Variants in EPB41 observed in about 807,000 individuals in gnomAD.
EPB41 encodes protein 4.1.
In EPB41, 65 loss-of-function variants were observed where a neutral mutation model predicts 108.0. The observed-to-expected ratio is 0.60, with a 90% CI of 0.49 to 0.74. The LOEUF is 0.74. EPB41 is among the 30% of genes least tolerant of loss of function. EPB41 has a pLI of 0.00. For missense variants in EPB41, 875 were observed against 1,037.0 expected (o/e 0.84, Z 2.15); for synonymous variants, 336 against 358.9 (o/e 0.94, Z 0.72).
At position 28,987,470 on chromosome 1, in the gene EPB41, C is replaced by G. The variant is rs142705709; in HGVS notation, c.33C>G (p.Ala11=). The G allele has an allele frequency of 1.7e-4, 281 of 1,613,956 alleles. 1 individual carries two copies. The highest frequency in any genetic ancestry group is 2.2e-4 in the Non-Finnish European group (257 of 1,179,992). Residue 11 remains alanine, a synonymous_variant, in exon 2 of 21, where the codon GCC becomes GCG. Coordinates refer to ENST00000343067, the MANE Select transcript of EPB41 (RefSeq NM_001376013.1). Reference sequence around the variant, plus strand: ...CAGAGAAGAGTTTAGTGACTGAGGCCGAAAATTCACAGCACCAACAGAAGG... The same window carrying G: ...CAGAGAAGAGTTTAGTGACTGAGGCGGAAAATTCACAGCACCAACAGAAGG... MTTEKSLVTE[A]ENSQHQQKEE...
At chr1:28,905,770 C>A (rs911307332) in intron 1 of EPB41, among the ~76,000 whole-genome samples, 3 of 151,350 alleles carry the variant, frequency 2.0e-5, no homozygotes, top group Non-Finnish European at 4.4e-5. Flanking sequence ...AAGGCTGCAA[C>A]TTATTTGCAG....
At chr1:28,928,105 A>G (rs932842291) in intron 1 of EPB41, among the ~76,000 whole-genome samples, 3 of 152,060 alleles carry the variant, frequency 2.0e-5, no homozygotes, top group Non-Finnish European at 4.4e-5. Context: ...AAAAAGGGAA[A>G]TAAGTACAGA....
intron 2 of EPB41, among the ~76,000 whole-genome samples, 181 bp from the exon 3 acceptor site, chr1:28,993,146 TAAC>T (rs2096068189): frequency 6.6e-6 from 1 of 152,180 alleles, no homozygotes; most frequent in African/African-American, 2.4e-5. Flanking sequence ...GAAGTTTTAA[TAAC>T]AAAGTCTTTA....
At chr1:28,895,931 G>GCA (rs1449904329) in intron 1 of EPB41, among the ~76,000 whole-genome samples, 1 of 152,268 alleles carries the variant, frequency 6.6e-6, no homozygotes, top group Non-Finnish European at 1.5e-5. Context: ...ATAAATTCAT[G>GCA]CACACACACT....
At chr1:29,037,586 CT>C (rs56926337) in intron 10 of EPB41, among the ~76,000 whole-genome samples, 26,386 of 142,612 alleles carry the variant, frequency 0.19, 2,690 homozygotes, top group East Asian at 0.47. Context: ...ATCAGTTTGC[CT>C]TTTTTTTTTT....
At chr1:29,053,531 C>A in intron 12 of EPB41, 1 of 587,640 alleles carries the variant, frequency 1.7e-6, no homozygotes. Flanking sequence ...ATAAGGTGAC[C>A]CACTCCTTGA....
chr1:29,035,383 T>C (rs1205689731), intron 9 of EPB41, among the ~76,000 whole-genome samples: 1 of 152,348 alleles, frequency 6.6e-6, no homozygotes, highest in Non-Finnish European at 1.5e-5. Flanking sequence ...TGAACTAAAA[T>C]CTTTAGCTCC....
chr1:28,940,177 G>C (rs2094215798), intron 1 of EPB41, among the ~76,000 whole-genome samples: 1 of 152,170 alleles, frequency 6.6e-6, no homozygotes, highest in African/African-American at 2.4e-5. Flanking sequence ...TCGTACATCA[G>C]GGAGAAAGCT....
At chr1:28,950,893 T>C (rs1422012239) in intron 1 of EPB41, among the ~76,000 whole-genome samples, 1 of 152,134 alleles carries the variant, frequency 6.6e-6, no homozygotes, top group Non-Finnish European at 1.5e-5. Context: ...TGGAGTGCAG[T>C]GGTGCAGTCT....
intron 17 of EPB41, among the ~76,000 whole-genome samples, chr1:29,106,564 ATTTTT>A (rs1187973613): frequency 7.9e-5 from 4 of 50,894 alleles, no homozygotes; most frequent in South Asian, 1.0e-3. Context: ...AGTAGCTGGG[ATTTTT>A]TTTTTTTTTT....
chr1:29,095,054 GT>G (rs1662706904), intron 16 of EPB41, among the ~76,000 whole-genome samples: 1 of 152,174 alleles, frequency 6.6e-6, no homozygotes, highest in Non-Finnish European at 1.5e-5. Context: ...GTCTGTACAT[GT>G]TCAGCATAGA....
intron 2 of EPB41, chr1:28,989,289 C>A: frequency 3.3e-6 from 2 of 611,812 alleles, no homozygotes; most frequent in South Asian, 7.3e-5. Flanking sequence ...GTTTATTTGT[C>A]CCAAAAAATG....
At chr1:28,966,303 A>G (rs1445761948) in intron 1 of EPB41, among the ~76,000 whole-genome samples, 1 of 152,204 alleles carries the variant, frequency 6.6e-6, no homozygotes. Flanking sequence ...TCTTGGGTAT[A>G]TCTAGATTCT....
At position 29,075,417 on chromosome 1, in the gene EPB41, G is replaced by A. The variant is rs548098099; in HGVS notation, c.2184+10259G>A. On this transcript the variant is annotated intron_variant, in intron 16 of 20. Transcript: ENST00000343067. ...CGCTTGAACCCAGGAGGTGGAGGTTGCAGTGAGCTGAGATCGCGCCACTGT... is the reference window on the plus strand; with the variant it reads ...CGCTTGAACCCAGGAGGTGGAGGTTACAGTGAGCTGAGATCGCGCCACTGT... Among the ~76,000 whole-genome samples, 3 of 152,218 alleles carry A rather than the reference G, an allele frequency of 2.0e-5. No homozygotes were observed. In the East Asian group the frequency reaches 5.8e-4, roughly 30 times the overall value.
chr1:28,982,722 A>T (rs2095787356), intron 1 of EPB41: 3 of 522,570 alleles, frequency 5.7e-6, no homozygotes, highest in Admixed American at 5.9e-5. Flanking sequence ...TATATAAGCT[A>T]TTTTTTTATG....
At chr1:28,910,087 C>CA (rs5773222), upstream of EPB41, among the ~76,000 whole-genome samples, 2,056 of 120,946 alleles carry the variant, frequency 0.017, 41 homozygotes, top group African/African-American at 0.043. Flanking sequence ...ACCACTGTCT[C>CA]AAAAAAAAAA....
chr1:29,005,633 C>T (rs1353491079), intron 4 of EPB41, among the ~76,000 whole-genome samples: 1 of 152,110 alleles, frequency 6.6e-6, no homozygotes. Flanking sequence ...TAGGCAATAG[C>T]AGTAAGATGG....
intron 19 of EPB41, 97 bp downstream of exon 19, chr1:29,112,545 C>A: frequency 1.0e-6 from 1 of 978,874 alleles, no homozygotes; most frequent in East Asian, 2.4e-5. Flanking sequence ...TGCAAAAAGC[C>A]TCTTTGGCCA....
intron 16 of EPB41, among the ~76,000 whole-genome samples, chr1:29,088,551 A>G (rs767438480): frequency 1.1e-4 from 17 of 152,218 alleles, no homozygotes; most frequent in South Asian, 8.3e-4. Flanking sequence ...ATATAATCCA[A>G]TGGCCCTTGA....
Sources: allele counts gnomAD v4.1 joint callset (sites outside exome capture counted in the v4.1 genomes callset), GRCh38; gene constraint gnomAD v4.1.1; transcripts MANE v1.5; gene names NCBI Gene and HGNC (gene_info 2026-07-23, HGNC 2026-07-21).